The following LIMA1 variants were observed in gnomAD, a reference collection of about 807,000 sequenced individuals.
The protein encoded by LIMA1 is LIM domain and actin binding 1, also known as LIM domain and actin-binding protein 1.
LIMA1 carries 52 observed loss-of-function variants against 62.6 expected under a neutral mutation model. The ratio of observed to expected loss-of-function variants is 0.83; its 90% CI spans 0.67 to 1.05. The LOEUF is 1.05. Ranked by LOEUF, LIMA1 falls within the 50% of genes least tolerant of loss-of-function variation. The pLI is 0.00. For synonymous variants in LIMA1, 302 were observed against 317.8 expected, an observed-to-expected ratio of 0.95 and a Z score of 0.53; for missense variants, 780 against 902.2, an observed-to-expected ratio of 0.86 and a Z score of 1.74.
chr12:50,252,564 A>C (rs1941943852), intron 1 of LIMA1, among the ~76,000 whole-genome samples: 1 of 143,200 alleles, frequency 7.0e-6, no homozygotes, highest in Non-Finnish European at 1.5e-5. Flanking sequence ...CTGGGTGACA[A>C]GAGCGAAACT....
chr12:50,226,035 TTTTA>T lies in LIMA1; in HGVS notation c.166-3554_166-3551del, dbSNP rs1941522591. 8.5e-5 allele frequency among the ~76,000 whole-genome samples: 13 copies of T among 152,246 alleles called. No homozygotes were observed. The South Asian group carries it at 2.7e-3, about 32-fold the overall frequency. On this transcript the variant is annotated intron_variant, in intron 3 of 10. Coordinates refer to ENST00000341247, the MANE Select transcript of LIMA1 (RefSeq NM_016357.5). ...TACACTGTTACTTCTTTGTTATCTA[TTTTA>T]TTTATTTATTTACTTATTTATTTTT...
intron 9 of LIMA1, among the ~76,000 whole-genome samples, chr12:50,191,107 T>A (rs1196012658): frequency 2.5e-3 from 194 of 78,662 alleles, no homozygotes; most frequent in African/African-American, 0.01. Flanking sequence ...AGAACCTGTC[T>A]CAAAAAAAAA....
Position 50,204,605 on chromosome 12 carries a change from T to G in LIMA1, c.811A>C (p.Met271Leu). 6.2e-7 allele frequency: 1 copy of G among 1,614,226 alleles called. No individual in the cohort carries two copies. The highest frequency in any genetic ancestry group is 8.5e-7 in the Non-Finnish European group (1 of 1,180,036). ...RLSETSIKDRMAKYQAAVSKQ... is the reference protein window; with the variant it reads ...RLSETSIKDRLAKYQAAVSKQ... ...GACACAGCTGCCTGGTACTTGGCCA[T>G]TCGATCCTTTATAGAGGTTTCTGAG... Residue 271 changes from methionine (M) to leucine (L), a missense_variant, in exon 6 of 11, where the codon ATG becomes CTG. Physicochemically the swap from Met to Leu is conservative, Grantham distance 15. Transcript: ENST00000341247.
At position 50,181,904 on chromosome 12, in the gene LIMA1, C is replaced by A; in HGVS notation, c.1274G>T (p.Ser425Ile). The A allele has an allele frequency of 6.2e-7, 1 of 1,614,036 alleles. No homozygotes were observed. The highest frequency in any genetic ancestry group is 8.5e-7 in the Non-Finnish European group (1 of 1,179,998). ...FRCSYCNNKL[S>I]LGTYASLHGR... ...GATGGCTTGTTTTGGGCTGACTTACCTGAGTTTGTTGTTGCAATAGGAGCA... is the reference window on the plus strand; with the variant it reads ...GATGGCTTGTTTTGGGCTGACTTACATGAGTTTGTTGTTGCAATAGGAGCA... The change falls in exon 10 of 11, where the codon AGT becomes ATT. Residue 425 changes from serine (S) to isoleucine (I), a missense_variant and splice_region_variant. Ser to Ile is a moderately radical substitution (Grantham distance 142). Transcript: ENST00000341247.
In LIMA1 at chr12:50,222,316, G is replaced by C. The variant is rs1439661417; in HGVS notation, c.335C>G (p.Ala112Gly). The C allele has an allele frequency of 6.2e-7, 1 of 1,614,160 alleles. No individual in the cohort carries two copies. The highest frequency in any genetic ancestry group is 1.7e-5 in the Admixed American group (1 of 59,996). Residue 112 changes from alanine to glycine, a missense_variant, in exon 4 of 11, where the codon GCT becomes GGT. Transcript: ENST00000341247. Reference protein sequence around the residue: ...DHPPAEVTSHAASGAKADQEE... With the variant: ...DHPPAEVTSHGASGAKADQEE... ...TTGGTCAGCTTTGGCTCCAGAAGCA[G>C]CGTGGCTTGTCACTTCAGCAGGAGG...
chr12:50,178,966 A>ATATATATT lies in LIMA1; in HGVS notation c.1275-898_1275-897insAATATATA, dbSNP rs56674261. 1.8e-4 allele frequency among the ~76,000 whole-genome samples: 23 copies of ATATATATT among 128,962 alleles called. No individual in the cohort carries two copies. In the East Asian group the frequency reaches 2.7e-3, roughly 15 times the overall value. The allele number at this position is 128,962 out of a possible 152,430, so 84.6% of individuals were successfully genotyped here. On this transcript the variant is annotated intron_variant, in intron 10 of 10. Transcript: ENST00000341247. ...TATATAAATACATATATATATATATATTTTTTTTTTCTTTTTCTTTTCTTT... is the reference window on the plus strand; with the variant it reads ...TATATAAATACATATATATATATATATATATATTTTTTTTTTTTCTTTTTCTTTTCTTT...
Position 50,176,952 on chromosome 12 carries a change from A to G in LIMA1, c.*112T>C. On this transcript the variant is annotated 3_prime_UTR_variant, in exon 11 of 11. Coordinates refer to ENST00000341247, the MANE Select transcript of LIMA1 (RefSeq NM_016357.5). Reference sequence around the variant, plus strand: ...GGAATTCTTTTCCAAAGTTACTTCCAAGTAAATTACATTTCATGCTGGGAT... The same window carrying G: ...GGAATTCTTTTCCAAAGTTACTTCCGAGTAAATTACATTTCATGCTGGGAT... The G allele has an allele frequency of 1.2e-6, 1 of 857,812 alleles. No individual in the cohort carries two copies. Among genetic ancestry groups the G allele is most frequent in the Non-Finnish European group, 1.7e-6 (1 of 594,642 alleles). The allele number at this position is 857,812 out of a possible 1,614,324, so 53.1% of individuals were successfully genotyped here. A position where few individuals can be genotyped will look rare whatever the true frequency, so the allele number is the denominator to read the frequency against.
intron 4 of LIMA1, among the ~76,000 whole-genome samples, chr12:50,209,476 G>A (rs1256031725): frequency 6.8e-6 from 1 of 147,974 alleles, no homozygotes; most frequent in Non-Finnish European, 1.5e-5. Context: ...GGCTGAGGTT[G>A]AGAATCACTT....
At chr12:50,201,044 G>A (rs1024488021) in intron 6 of LIMA1, 160 bp from the exon 7 acceptor site, 2 of 1,419,934 alleles carry the variant, frequency 1.4e-6, no homozygotes, top group East Asian at 2.6e-5. Flanking sequence ...CCACTGACTA[G>A]TGAAATGACA....
intron 1 of LIMA1, among the ~76,000 whole-genome samples, chr12:50,256,086 G>C (rs1941993662): frequency 6.6e-6 from 1 of 151,910 alleles, no homozygotes. Context: ...AGTAGAGATG[G>C]GGTTTCACCA....
rs564297290 is a variant in LIMA1 at position 50,175,807 on chromosome 12, C to A, written c.*1257G>T. 4 of 152,212 alleles carry A rather than the reference C, an allele frequency of 2.6e-5. No individual in the cohort carries two copies. The highest frequency in any genetic ancestry group is 9.6e-5 in the African/African-American group (4 of 41,536). The allele number at this position is 152,212 out of a possible 1,614,324, so 9.4% of individuals were successfully genotyped here. A position where few individuals can be genotyped will look rare whatever the true frequency, so the allele number is the denominator to read the frequency against. On this transcript the variant is annotated 3_prime_UTR_variant, in exon 11 of 11. Transcript: ENST00000341247. ...GAAAAGTTCAAATTTTAATTAAAAT[C>A]TTTATTGAATAAAAATGTTTCAGAC...
chr12:50,204,493 C>T, intron 6 of LIMA1, 59 bp downstream of exon 6: 1 of 1,556,150 alleles, frequency 6.4e-7, no homozygotes, highest in Non-Finnish European at 8.7e-7. Flanking sequence ...TTCCAGTACT[C>T]AGTGACCATC....
intron 8 of LIMA1, among the ~76,000 whole-genome samples, chr12:50,193,666 ATT>A (rs1166489086): frequency 1.9e-3 from 112 of 59,990 alleles, no homozygotes; most frequent in African/African-American, 6.0e-3. Context: ...ATATATATAT[ATT>A]TTTTTTTTTT....
In LIMA1 at chr12:50,263,851, T is replaced by TATAGAG. The variant is rs1555210866; in HGVS notation, c.-23-15078_-23-15077insCTCTAT. 8.0e-3 allele frequency among the ~76,000 whole-genome samples: 1,019 copies of TATAGAG among 127,878 alleles called. 33 individuals are homozygous for TATAGAG. The East Asian group carries it at 0.091, about 11-fold the overall frequency. 83.9% of individuals were successfully genotyped at this position (127,878 alleles called of 152,430 possible). On this transcript the variant is annotated intron_variant, in intron 1 of 10. Coordinates refer to ENST00000341247, the MANE Select transcript of LIMA1 (RefSeq NM_016357.5). ...TAGAGAGAGTATATATATATATATA[T>TATAGAG]AGAGAGTATATATATATATATATAT...
chr12:50,179,002 A>C (rs576626441), intron 10 of LIMA1, among the ~76,000 whole-genome samples: 1 of 147,524 alleles, frequency 6.8e-6, no homozygotes. Context: ...TTTTGAGAGA[A>C]TCTCGCTCTG....
intron 9 of LIMA1, among the ~76,000 whole-genome samples, chr12:50,182,362 G>GT (rs1021099309): frequency 1.6e-4 from 25 of 152,072 alleles, no homozygotes; most frequent in African/African-American, 5.5e-4. Context: ...AGGGGTCGGG[G>GT]GGGGGAGTGC....
At position 50,256,917 on chromosome 12, in the gene LIMA1, A is replaced by C. The variant is rs187802697; in HGVS notation, c.-23-8143T>G. On this transcript the variant is annotated intron_variant, in intron 1 of 10. Transcript: ENST00000341247. ...TGATGTTCCCTTCACAGTGCATCAT[A>C]TCAGAGGGTACGTGATGTTGATGTG... Among the ~76,000 whole-genome samples, 191 of 152,374 alleles carry C rather than the reference A, an allele frequency of 1.3e-3. 1 individual carries two copies. The highest frequency in any genetic ancestry group is 4.3e-3 in the African/African-American group (178 of 41,596).
chr12:50,217,078 CCTTA>C (rs1392078320), intron 4 of LIMA1, among the ~76,000 whole-genome samples: 1 of 151,644 alleles, frequency 6.6e-6, no homozygotes, highest in African/African-American at 2.4e-5. Context: ...ATAAAAACAT[CCTTA>C]CTTTTCTTCT....
In LIMA1 at chr12:50,222,491, A is replaced by T. The variant is rs1213228348; in HGVS notation, c.166-6T>A. 11 of 1,613,982 alleles carry T rather than the reference A, an allele frequency of 6.8e-6. No individual in the cohort carries two copies. Among genetic ancestry groups the T allele is most frequent in the Middle Eastern group, 3.3e-4 (2 of 6,062 alleles). On this transcript the variant is annotated splice_region_variant and splice_polypyrimidine_tract_variant and intron_variant, in intron 3 of 10. Transcript: ENST00000341247. The stretch of plus-strand genomic sequence containing the variant: ...TGGGAGAGATTTTCGGTGTTCTAGA[A>T]GAACAAGAAGTAGATGCCAGTTATA...
Sources: allele counts gnomAD v4.1 joint callset (sites outside exome capture counted in the v4.1 genomes callset), GRCh38; gene constraint gnomAD v4.1.1; transcripts MANE v1.5; gene names NCBI Gene and HGNC (gene_info 2026-07-23, HGNC 2026-07-21).